SEC31B: variants seen among roughly 807,000 people sequenced by gnomAD.
The protein encoded by SEC31B is protein transport protein Sec31B.
SEC31B carries 113 observed loss-of-function variants against 135.0 expected under a neutral mutation model. That is an observed-to-expected ratio of 0.84 (90% confidence interval 0.72 to 0.98). The LOEUF (loss-of-function observed/expected upper bound fraction) is 0.98. Among genes scored for constraint, SEC31B ranks in the 50% least tolerant of loss-of-function variants. The pLI, the probability that SEC31B is intolerant of heterozygous loss-of-function variation, is 0.00. For missense variants in SEC31B, 1,296 were observed against 1,421.1 expected (o/e 0.91, Z 1.42); for synonymous variants, 508 against 549.4 (o/e 0.92, Z 1.05).
chr10:100,489,227 G>A (rs1287523522), intron 23 of SEC31B, 25 bp downstream of exon 23: 1 of 1,584,204 alleles, frequency 6.3e-7, no homozygotes, highest in Admixed American at 1.9e-5. Flanking sequence ...TTTCCCAAGG[G>A]AGGGGAATAC....
In SEC31B at chr10:100,505,447, G is replaced by C. The variant is rs1851611362; in HGVS notation, c.1093C>G (p.Pro365Ala). Residue 365 changes from proline (P) to alanine (A), a missense_variant, in exon 10 of 26, where the codon CCA (proline) becomes GCA (alanine). Coordinates refer to ENST00000370345, the MANE Select transcript of SEC31B (RefSeq NM_015490.4). ...KGQPLPPLQVPEQVAQAPLIP... is the reference protein window; with the variant it reads ...KGQPLPPLQVAEQVAQAPLIP... ...AGTGGTGCTTGTGCCACTTGCTCTGGCACCTGCAGTGGTGGGAGAGGCTGG... is the reference window on the plus strand; with the variant it reads ...AGTGGTGCTTGTGCCACTTGCTCTGCCACCTGCAGTGGTGGGAGAGGCTGG... The C allele has an allele frequency of 6.3e-7, 1 of 1,594,732 alleles. No individual in the cohort carries two copies. Among genetic ancestry groups the C allele is most frequent in the African/African-American group, 1.3e-5 (1 of 74,414 alleles).
At position 100,489,251 on chromosome 10, in the gene SEC31B, C is replaced by G; in HGVS notation, c.3171+1G>C. The stretch of plus-strand genomic sequence containing the variant: ...GGAGGGGAATACATTGTCCTTGTCA[C>G]CTGCAGGCTGAGTTCTCCTGGAACT... On this transcript the variant is annotated splice_donor_variant, in intron 23 of 25. Transcript: ENST00000370345. LOFTEE classifies it high-confidence loss of function. 6.2e-7 allele frequency: 1 copy of G among 1,605,926 alleles called. No homozygotes were observed. Among genetic ancestry groups the G allele is most frequent in the South Asian group, 1.1e-5 (1 of 89,616 alleles).
At chr10:100,488,744 A>G in intron 24 of SEC31B, 114 bp downstream of exon 24, 1 of 1,359,700 alleles carries the variant, frequency 7.4e-7, no homozygotes. Context: ...AGATAGAGAC[A>G]GCATGTCCAG....
intron 2 of SEC31B, 27 bp from the exon 3 acceptor site, chr10:100,516,246 A>G: frequency 1.9e-6 from 3 of 1,610,496 alleles, no homozygotes; most frequent in Non-Finnish European, 2.5e-6. Flanking sequence ...GCAGCATATG[A>G]GCAACAATAT....
chr10:100,514,437 C>A (rs532403639), intron 3 of SEC31B, among the ~76,000 whole-genome samples: 1 of 152,062 alleles, frequency 6.6e-6, no homozygotes, highest in South Asian at 2.1e-4. Flanking sequence ...ATTAGCTCAC[C>A]CCTTTGAGGG....
chr10:100,488,764 G>A, intron 24 of SEC31B, 94 bp downstream of exon 24: 2 of 1,442,826 alleles, frequency 1.4e-6, no homozygotes, highest in Non-Finnish European at 1.8e-6. Flanking sequence ...GGGGCAGTGA[G>A]AAGAGAGTCA....
chr10:100,496,234 C>T (rs1851405413), intron 18 of SEC31B, 24 bp downstream of exon 18: 11 of 1,611,092 alleles, frequency 6.8e-6, no homozygotes, highest in Non-Finnish European at 9.3e-6. Flanking sequence ...AAATGGTTTG[C>T]TCTCTCCACA....
intron 1 of SEC31B, among the ~76,000 whole-genome samples, chr10:100,519,277 TC>T (rs1315468153): frequency 6.6e-6 from 1 of 152,126 alleles, no homozygotes; most frequent in African/African-American, 2.4e-5. Flanking sequence ...CCCGCTGGGG[TC>T]AGATTGGCCA....
In SEC31B at chr10:100,506,120, C is replaced by T. The variant is rs1298318280; in HGVS notation, c.964G>A (p.Ala322Thr). 3.1e-6 allele frequency: 5 copies of T among 1,614,088 alleles called. No homozygotes were observed. Among genetic ancestry groups the T allele is most frequent in the Middle Eastern group, 1.6e-4 (1 of 6,084 alleles). ...CPRDPSVFSAASFNGWISLYS... is the reference protein window; with the variant it reads ...CPRDPSVFSATSFNGWISLYS... ...AAACTGATCCAGCCGTTGAAGGAGG[C>T]AGCAGAGAACACTGAAGGGTCCCGA... Residue 322 changes from alanine to threonine, a missense_variant, in exon 9 of 26, where the codon GCC (alanine) becomes ACC (threonine). By Grantham distance (58) the Ala-to-Thr change is moderately conservative. Coordinates refer to ENST00000370345, the MANE Select transcript of SEC31B (RefSeq NM_015490.4).
At chr10:100,492,875 TG>T (rs1261343331) in intron 19 of SEC31B, among the ~76,000 whole-genome samples, 1 of 152,242 alleles carries the variant, frequency 6.6e-6, no homozygotes, top group Non-Finnish European at 1.5e-5. Context: ...TACTTAAGTA[TG>T]AATTGGACAA....
Position 100,517,000 on chromosome 10 carries a change from G to A in SEC31B, c.-45-3C>T, listed in dbSNP as rs756252766. 1 of 1,429,122 alleles carries A rather than the reference G, an allele frequency of 7.0e-7. No individual in the cohort carries two copies. The highest frequency in any genetic ancestry group is 1.2e-5 in the South Asian group (1 of 86,372). The allele number at this position is 1,429,122 out of a possible 1,614,324, so 88.5% of individuals were successfully genotyped here. ...AAACTGACATGGCCCTCAGCCCACT[G>A]AAAATAGAAACCAGCAAACTTAACA... On this transcript the variant is annotated splice_region_variant and splice_polypyrimidine_tract_variant and intron_variant, in intron 1 of 25. Coordinates refer to ENST00000370345, the MANE Select transcript of SEC31B (RefSeq NM_015490.4).
intron 3 of SEC31B, among the ~76,000 whole-genome samples, chr10:100,510,494 C>A (rs912360884): frequency 6.6e-6 from 1 of 152,240 alleles, no homozygotes; most frequent in Non-Finnish European, 1.5e-5. Context: ...CTCTGCAAAG[C>A]CCCTACGGAA....
intron 24 of SEC31B, 33 bp downstream of exon 24, chr10:100,488,825 G>A (rs1032676819): frequency 1.1e-5 from 17 of 1,546,684 alleles, no homozygotes; most frequent in Middle Eastern, 1.8e-4. Flanking sequence ...CGAGGGGTGC[G>A]AGGAGGGCAC....
intron 19 of SEC31B, among the ~76,000 whole-genome samples, chr10:100,493,309 C>T (rs1851339060): frequency 6.6e-6 from 1 of 151,442 alleles, no homozygotes; most frequent in Non-Finnish European, 1.5e-5. Context: ...GGAGGCAGAG[C>T]TTGCAGTGAG....
At chr10:100,488,458 CAA>C (rs5787387) in intron 24 of SEC31B, among the ~76,000 whole-genome samples, 18,301 of 97,122 alleles carry the variant, frequency 0.19, 1,107 homozygotes, top group African/African-American at 0.2. Flanking sequence ...GACTCCATCT[CAA>C]AAAAAAAAAA....
Position 100,516,237 on chromosome 10 carries a change from C to T in SEC31B, c.80-18G>A. 1 of 1,611,590 alleles carries T rather than the reference C, an allele frequency of 6.2e-7. No individual in the cohort carries two copies. Among genetic ancestry groups the T allele is most frequent in the South Asian group, 1.1e-5 (1 of 90,760 alleles). On this transcript the variant is annotated intron_variant, in intron 2 of 25. Coordinates refer to ENST00000370345, the MANE Select transcript of SEC31B (RefSeq NM_015490.4). ...AGATGTTCCTAGGCACAAGAAAAGG[C>T]AGCATATGAGCAACAATATATGCAT...
At chr10:100,497,580 C>T in intron 16 of SEC31B, 87 bp downstream of exon 16, 1 of 1,600,466 alleles carries the variant, frequency 6.2e-7, no homozygotes. Flanking sequence ...ACAGCTCAGT[C>T]TGCTCCTCCA....
intron 1 of SEC31B, 24 bp from the exon 2 acceptor site, chr10:100,517,021 T>A: frequency 8.5e-7 from 1 of 1,173,176 alleles, no homozygotes; most frequent in African/African-American, 1.5e-5. Context: ...CCAGCAAACT[T>A]AACAGCCAGA....
chr10:100,495,610 G>T, intron 18 of SEC31B, 64 bp from the exon 19 acceptor site: 1 of 1,522,514 alleles, frequency 6.6e-7, no homozygotes, highest in Non-Finnish European at 9.0e-7. Flanking sequence ...CCAGGTAGCA[G>T]TCAAATTTCA....
Sources: gnomAD v4.1 joint callset for allele counts (sites outside exome capture counted in the v4.1 genomes callset) on GRCh38, gnomAD v4.1.1 for gene constraint, MANE v1.5 for transcripts, NCBI Gene and HGNC (gene_info 2026-07-23, HGNC 2026-07-21) for gene names.